Variants in SUPT6H observed in about 807,000 individuals in gnomAD.
SUPT6H encodes the protein transcription elongation factor SPT6.
SUPT6H carries 11 observed loss-of-function variants against 222.3 expected under a neutral mutation model. That is an observed-to-expected ratio of 0.05 (90% CI 0.03 to 0.08). SUPT6H has a LOEUF of 0.08. SUPT6H is among the 10% of genes least tolerant of loss of function. The pLI, the probability that SUPT6H is intolerant of heterozygous loss-of-function variation, is 1.00. For synonymous variants in SUPT6H, 762 were observed against 801.2 expected (o/e 0.95, Z 0.83); for missense variants, 1,422 against 2,216.0 (o/e 0.64, Z 7.19).
Position 28,678,090 on chromosome 17 carries a change from C to T in SUPT6H, c.1014C>T (p.Tyr338=). The change falls in exon 9 of 37, where the codon TAC becomes TAT. Residue 338 remains tyrosine (Y), a synonymous_variant. Coordinates refer to ENST00000314616, the MANE Select transcript of SUPT6H (RefSeq NM_003170.5). ...TCCTACTGTAGGAAAGCTGTGATTA[C>T]CTAGACCGAGGGCAGCCAGCCAGCA... ...PTISLQESCD[Y]LDRGQPASSF... 1 of 1,613,358 alleles carries T rather than the reference C, an allele frequency of 6.2e-7. No homozygotes were observed. The highest frequency in any genetic ancestry group is 2.2e-5 in the East Asian group (1 of 44,888).
In SUPT6H at chr17:28,678,967, A is replaced by G. The variant is rs1415049781; in HGVS notation, c.1349+4A>G. ...TGGACACCACTGACATGGAGAGGTA[A>G]AACATGCGGTGTTTATTCCATTATG... On this transcript the variant is annotated splice_donor_region_variant and intron_variant, in intron 11 of 36. Coordinates refer to ENST00000314616, the MANE Select transcript of SUPT6H (RefSeq NM_003170.5). 6.2e-7 allele frequency: 1 copy of G among 1,614,058 alleles called. No homozygotes were observed. The highest frequency in any genetic ancestry group is 8.5e-7 in the Non-Finnish European group (1 of 1,180,018).
chr17:28,691,196 C>A, intron 27 of SUPT6H, 133 bp downstream of exon 27: 2 of 1,223,520 alleles, frequency 1.6e-6, no homozygotes, highest in Non-Finnish European at 2.3e-6. Context: ...GGAAGACGGA[C>A]GGGAAACACA....
At chr17:28,667,395 G>T (rs866439917) in intron 1 of SUPT6H, among the ~76,000 whole-genome samples, 2 of 50,710 alleles carry the variant, frequency 3.9e-5, no homozygotes, top group East Asian at 1.3e-3. Context: ...AAAAAAAAAA[G>T]TGTGTGTGTG....
intron 7 of SUPT6H, among the ~76,000 whole-genome samples, chr17:28,677,243 G>A (rs1279807241): frequency 2.6e-5 from 4 of 151,890 alleles, no homozygotes; most frequent in South Asian, 2.1e-4. Flanking sequence ...TTAGCTGGGC[G>A]TTGACAGCAT....
intron 13 of SUPT6H, 113 bp from the exon 14 acceptor site, chr17:28,682,614 G>A (rs1284891401): frequency 7.6e-6 from 11 of 1,446,216 alleles, no homozygotes; most frequent in East Asian, 4.6e-5. Context: ...GAGCGAGACC[G>A]TCTCAGGAAA....
intron 12 of SUPT6H, 142 bp downstream of exon 12, chr17:28,681,546 A>AC: frequency 9.1e-7 from 1 of 1,094,030 alleles, no homozygotes; most frequent in Non-Finnish European, 1.3e-6. Context: ...ACATGGCAAA[A>AC]CCCCATCTCT....
chr17:28,688,085 C>T lies in SUPT6H; in HGVS notation c.3007-6C>T, dbSNP rs942048971. ...TGCCCTGGCTCAGTCCAGCTCTCTCCCCCAGATCCTGAAGCAGAACAACAC... is the reference window on the plus strand; with the variant it reads ...TGCCCTGGCTCAGTCCAGCTCTCTCTCCCAGATCCTGAAGCAGAACAACAC... On this transcript the variant is annotated splice_polypyrimidine_tract_variant and splice_region_variant and intron_variant, in intron 23 of 36. Coordinates refer to ENST00000314616, the MANE Select transcript of SUPT6H (RefSeq NM_003170.5). This position sits in a 1 kb window ranked among gnomAD's most constrained non-coding sequence, Gnocchi z 4.3. The T allele has an allele frequency of 6.2e-7, 1 of 1,609,248 alleles. No individual in the cohort carries two copies. Among genetic ancestry groups the T allele is most frequent in the African/African-American group, 1.3e-5 (1 of 74,790 alleles).
intron 13 of SUPT6H, 90 bp downstream of exon 13, chr17:28,682,070 G>C: frequency 9.4e-7 from 1 of 1,060,172 alleles, no homozygotes; most frequent in Non-Finnish European, 1.4e-6. Context: ...AAAAAGAAAG[G>C]CTATCTGGGT....
In SUPT6H at chr17:28,678,808, T is replaced by C. The variant is rs760307765; in HGVS notation, c.1207-13T>C. ...TGAACACAAGCTCTCATTCCTGCCC[T>C]ACTTCACCTTAGTGGACCCAGCTGC... On this transcript the variant is annotated splice_polypyrimidine_tract_variant and intron_variant, in intron 10 of 36. Coordinates refer to ENST00000314616, the MANE Select transcript of SUPT6H (RefSeq NM_003170.5). 6 of 1,614,000 alleles carry C rather than the reference T, an allele frequency of 3.7e-6. No homozygotes were observed. The highest frequency in any genetic ancestry group is 1.3e-5 in the African/African-American group (1 of 74,904).
rs1286231376 is a variant in SUPT6H at position 28,683,806 on chromosome 17, A to G, written c.2219A>G (p.Tyr740Cys). The stretch of plus-strand genomic sequence containing the variant: ...AAGCTGCTGGCTGAAGCCAAGGAAT[A>G]TGTCATAAAGGTGAGGACAGAGACT... Reference protein sequence around the residue: ...KNKLLAEAKEYVIKACSRKLY... With the variant: ...KNKLLAEAKECVIKACSRKLY... The change falls in exon 17 of 37, where the codon TAT becomes TGT. Residue 740 changes from tyrosine (Y) to cysteine (C), a missense_variant. Transcript: ENST00000314616. 3.1e-6 allele frequency: 5 copies of G among 1,612,178 alleles called. No individual in the cohort carries two copies. The highest frequency in any genetic ancestry group is 1.1e-5 in the South Asian group (1 of 90,988).
chr17:28,697,818 G>A lies in SUPT6H; in HGVS notation c.4323+85G>A, dbSNP rs878910602. 3.8e-5 allele frequency: 61 copies of A among 1,604,850 alleles called. No homozygotes were observed. In the East Asian group the frequency reaches 9.2e-4, roughly 24 times the overall value. ...CCTTCAGTATAGGGGACACTCAGGC[G>A]GTGAAGGAAGTGTACATCATGTGTG... On this transcript the variant is annotated intron_variant, in intron 31 of 36. Coordinates refer to ENST00000314616, the MANE Select transcript of SUPT6H (RefSeq NM_003170.5).
chr17:28,690,787 T>C, intron 26 of SUPT6H, 134 bp from the exon 27 acceptor site: 1 of 1,030,638 alleles, frequency 9.7e-7, no homozygotes, highest in Non-Finnish European at 1.4e-6. Context: ...AATAAATAAA[T>C]AAATAAAAAT....
At chr17:28,664,902 C>G (rs1567681930) in intron 1 of SUPT6H, among the ~76,000 whole-genome samples, 2 of 152,182 alleles carry the variant, frequency 1.3e-5, no homozygotes, top group African/African-American at 2.4e-5. Context: ...TTGTCACTTC[C>G]ACTTGCAGAA....
At chr17:28,691,206 A>G in intron 27 of SUPT6H, 143 bp downstream of exon 27, 6 of 1,168,820 alleles carry the variant, frequency 5.1e-6, no homozygotes, top group Non-Finnish European at 7.2e-6. Flanking sequence ...CGGGAAACAC[A>G]CAGGTTTAGC....
chr17:28,686,264 C>T, intron 19 of SUPT6H, 75 bp from the exon 20 acceptor site: 3 of 1,347,862 alleles, frequency 2.2e-6, no homozygotes, highest in Non-Finnish European at 3.2e-6. Context: ...ACAAGATCTC[C>T]AACATAGGGA....
chr17:28,694,054 C>G (rs2031792310), intron 28 of SUPT6H, among the ~76,000 whole-genome samples: 1 of 152,248 alleles, frequency 6.6e-6, no homozygotes, highest in Non-Finnish European at 1.5e-5. Flanking sequence ...GAAATTTCAG[C>G]AAGTTCCCAG....
chr17:28,687,075 C>T lies in SUPT6H; in HGVS notation c.2701-13C>T, dbSNP rs1438936596. The T allele has an allele frequency of 1.6e-5, 26 of 1,611,914 alleles. No individual in the cohort carries two copies. Among genetic ancestry groups the T allele is most frequent in the Non-Finnish European group, 2.1e-5 (25 of 1,179,368 alleles). ...GGGATTTTAAGGCCCTGCTGACCCT[C>T]GTTTGACTCTAGGCAGAGTTCCGGG... On this transcript the variant is annotated splice_polypyrimidine_tract_variant and intron_variant, in intron 21 of 36. Coordinates refer to ENST00000314616, the MANE Select transcript of SUPT6H (RefSeq NM_003170.5).
intron 12 of SUPT6H, 71 bp from the exon 13 acceptor site, chr17:28,681,811 C>A: frequency 7.2e-7 from 1 of 1,395,704 alleles, no homozygotes. Context: ...TGAGGCTTCT[C>A]TCCTAATGTG....
chr17:28,689,297 G>A (rs947176411), intron 24 of SUPT6H, 57 bp from the exon 25 acceptor site: 4 of 1,553,174 alleles, frequency 2.6e-6, no homozygotes, highest in African/African-American at 1.4e-5. Flanking sequence ...TGGACATTTG[G>A]GTTGTTACTA....
Sources: gnomAD v4.1 joint callset for allele counts (sites outside exome capture counted in the v4.1 genomes callset) on GRCh38, gnomAD v4.1.1 for gene constraint, Gnocchi (gnomAD v3.1) non-coding constraint, MANE v1.5 for transcripts, NCBI Gene and HGNC (gene_info 2026-07-23, HGNC 2026-07-21) for gene names.